PRDM5: variants seen among roughly 807,000 people sequenced by gnomAD.
PRDM5 encodes PR/SET domain 5, also known as PR domain zinc finger protein 5.
Under a neutral mutation model 81.2 loss-of-function variants are expected in PRDM5, and 56 were observed. The observed-to-expected ratio is 0.69, with a 90% CI of 0.56 to 0.86. The LOEUF is 0.86. Among genes scored for constraint, PRDM5 ranks in the 40% least tolerant of loss-of-function variants. The probability of loss-of-function intolerance (pLI) is 0.00; values close to 1 mark genes in which losing one functional copy is unlikely to be tolerated. For synonymous variants in PRDM5, 267 were observed against 256.4 expected, an observed-to-expected ratio of 1.04 and a Z score of -0.39; for missense variants, 697 against 770.1, an observed-to-expected ratio of 0.91 and a Z score of 1.12.
At chr4:120,744,773 A>G (rs1742718110) in intron 14 of PRDM5, among the ~76,000 whole-genome samples, 1 of 151,332 alleles carries the variant, frequency 6.6e-6, no homozygotes. Flanking sequence ...AGGATCTGAA[A>G]TTGTGGCAAG....
intron 2 of PRDM5, among the ~76,000 whole-genome samples, chr4:120,903,758 G>A (rs11098591): frequency 0.93 from 141,722 of 152,258 alleles, 66,112 homozygotes; most frequent in East Asian, 0.97. Flanking sequence ...GTTTTACAAG[G>A]TCTGATGGTT....
intron 15 of PRDM5, among the ~76,000 whole-genome samples, chr4:120,706,758 T>TA (rs1736224795): frequency 3.7e-4 from 53 of 143,974 alleles, no homozygotes; most frequent in African/African-American, 1.3e-3. Flanking sequence ...TATATAAATT[T>TA]TATATATATA....
At chr4:120,892,347 G>C (rs1429573661) in intron 2 of PRDM5, among the ~76,000 whole-genome samples, 1 of 152,102 alleles carries the variant, frequency 6.6e-6, no homozygotes, top group Non-Finnish European at 1.5e-5. Flanking sequence ...ATCAAGTGTT[G>C]AGTTCAGGTC....
intron 2 of PRDM5, among the ~76,000 whole-genome samples, chr4:120,903,883 T>C (rs1426168276): frequency 6.6e-6 from 1 of 152,118 alleles, no homozygotes; most frequent in Non-Finnish European, 1.5e-5. Context: ...CATATGGAAC[T>C]GTGAGACCAT....
chr4:120,778,929 G>C (rs1443216098), intron 12 of PRDM5, among the ~76,000 whole-genome samples: 2 of 152,034 alleles, frequency 1.3e-5, no homozygotes, highest in Non-Finnish European at 2.9e-5. Context: ...CCTGACAGAA[G>C]GGGCAAAATA....
chr4:120,686,802 G>A (rs1180742164), intron 1 of PRDM5, among the ~76,000 whole-genome samples: 2 of 151,694 alleles, frequency 1.3e-5, no homozygotes, highest in Non-Finnish European at 2.9e-5. Context: ...TTGAACATTA[G>A]TTTTAATTTA....
intron 13 of PRDM5, 116 bp from the exon 14 acceptor site, chr4:120,754,754 A>T: frequency 1.3e-6 from 1 of 765,176 alleles, no homozygotes; most frequent in Non-Finnish European, 2.3e-6. Flanking sequence ...TGCTACTTCA[A>T]GAAGTGGCTC....
chr4:120,878,709 T>G (rs1035467455), intron 2 of PRDM5, among the ~76,000 whole-genome samples: 23 of 152,198 alleles, frequency 1.5e-4, no homozygotes, highest in African/African-American at 5.5e-4. Flanking sequence ...CAACTCAATT[T>G]TTTAAATGAG....
chr4:120,869,574 G>C (rs559667015), intron 2 of PRDM5, among the ~76,000 whole-genome samples: 1 of 152,180 alleles, frequency 6.6e-6, no homozygotes, highest in African/African-American at 2.4e-5. Context: ...CCTGCCTGTT[G>C]TCCTCACATT....
At chr4:120,708,793 T>G (rs771096781) in intron 15 of PRDM5, among the ~76,000 whole-genome samples, 3 of 152,186 alleles carry the variant, frequency 2.0e-5, no homozygotes, top group Admixed American at 6.5e-5. Flanking sequence ...ATCTGAGAGC[T>G]CTTTAAGAGG....
intron 14 of PRDM5, among the ~76,000 whole-genome samples, chr4:120,729,013 T>C (rs1319573118): frequency 2.6e-5 from 4 of 152,142 alleles, no homozygotes; most frequent in African/African-American, 9.7e-5. Context: ...TAGAAAGATA[T>C]GAATCTAGGA....
In PRDM5 at chr4:120,728,673, C is replaced by T. The variant is rs72921509; in HGVS notation, c.1624-18260G>A. Among the ~76,000 whole-genome samples the T allele has an allele frequency of 1.5e-3, 224 of 152,266 alleles. 1 individual carries two copies. Among genetic ancestry groups the T allele is most frequent in the African/African-American group, 5.3e-3 (219 of 41,542 alleles). On this transcript the variant is annotated intron_variant, in intron 14 of 15. Transcript: ENST00000264808. The stretch of plus-strand genomic sequence containing the variant: ...CCACCAAGCAACATCTACCCCGCCC[C>T]CTGCCCCTTACATACGTCGCCTAGT...
At chr4:120,747,273 G>T (rs929434851) in intron 14 of PRDM5, among the ~76,000 whole-genome samples, 3 of 131,986 alleles carry the variant, frequency 2.3e-5, no homozygotes, top group African/African-American at 8.5e-5. Flanking sequence ...ATCACACTCT[G>T]GGGACTGTTG....
chr4:120,749,068 G>A (rs1743582038), intron 14 of PRDM5, among the ~76,000 whole-genome samples: 1 of 152,144 alleles, frequency 6.6e-6, no homozygotes, highest in African/African-American at 2.4e-5. Flanking sequence ...TTCATAGGAT[G>A]TGGAAAGCCA....
chr4:120,851,860 A>G (rs1759311512), intron 3 of PRDM5, among the ~76,000 whole-genome samples: 1 of 152,140 alleles, frequency 6.6e-6, no homozygotes, highest in Non-Finnish European at 1.5e-5. Context: ...CCACATGTAT[A>G]TGAAGCTTCT....
chr4:120,839,555 C>T (rs769939830), intron 3 of PRDM5, among the ~76,000 whole-genome samples: 1 of 152,156 alleles, frequency 6.6e-6, no homozygotes, highest in Non-Finnish European at 1.5e-5. Context: ...CTTTTACAGG[C>T]CTCGGAGGGG....
At chr4:120,838,389 A>C (rs569405394) in intron 3 of PRDM5, 1 of 152,362 alleles carries the variant, frequency 6.6e-6, no homozygotes, top group African/African-American at 2.4e-5. Context: ...CAAGATAATC[A>C]GCATATCCAT....
intron 7 of PRDM5, chr4:120,812,717 T>C (rs930321984): frequency 2.7e-6 from 1 of 364,636 alleles, no homozygotes; most frequent in African/African-American, 2.2e-5. Context: ...TCCCATTCTG[T>C]GTAAATGCTT....
At chr4:120,832,024 A>C (rs1416015180) in intron 3 of PRDM5, among the ~76,000 whole-genome samples, 6 of 152,086 alleles carry the variant, frequency 3.9e-5, no homozygotes, top group Admixed American at 3.9e-4. Context: ...AGTCTTTTCC[A>C]TGTTCATCTG....
Sources: gnomAD v4.1 joint callset for allele counts (sites outside exome capture counted in the v4.1 genomes callset) on GRCh38, gnomAD v4.1.1 for gene constraint, MANE v1.5 for transcripts, NCBI Gene and HGNC (gene_info 2026-07-23, HGNC 2026-07-21) for gene names.